The following MRPL27 variants were observed in gnomAD, a reference collection of about 807,000 sequenced individuals.
The protein encoded by MRPL27 is large ribosomal subunit protein bL27m.
MRPL27 carries 4 observed loss-of-function variants against 14.6 expected under a neutral mutation model. That is an observed-to-expected ratio of 0.27 (90% confidence interval 0.14 to 0.63). The LOEUF is 0.63. Ranked by LOEUF, MRPL27 falls within the 20% of genes least tolerant of loss-of-function variation. MRPL27 has a pLI of 0.85. For synonymous variants in MRPL27, 82 were observed against 75.5 expected (o/e 1.09, Z -0.45); for missense variants, 196 against 192.8 (o/e 1.02, Z -0.10).
intron 1 of MRPL27, among the ~76,000 whole-genome samples, chr17:50,372,110 C>T (rs1326870238): frequency 6.6e-6 from 1 of 152,202 alleles, no homozygotes; most frequent in Non-Finnish European, 1.5e-5. Context: ...TTACGACTTT[C>T]CATTTGATTT....
intron 3 of MRPL27, chr17:50,369,156 T>C (rs1913051507): frequency 1.0e-5 from 4 of 389,124 alleles, no homozygotes; most frequent in Non-Finnish European, 1.8e-5. Flanking sequence ...TTAACTATTT[T>C]ACAGGGTCAT....
intron 1 of MRPL27, 139 bp downstream of exon 1, chr17:50,372,992 C>T (rs984431321): frequency 6.6e-6 from 8 of 1,211,206 alleles, no homozygotes; most frequent in Admixed American, 2.1e-5. Flanking sequence ...CGACACCGTC[C>T]CTCAAACCTG....
intron 3 of MRPL27, chr17:50,369,550 T>G (rs1913063644): frequency 4.8e-6 from 1 of 207,486 alleles, no homozygotes; most frequent in Admixed American, 6.4e-5. Context: ...ACCTAACTCC[T>G]GGCACACTGA....
At chr17:50,370,289 C>T in intron 2 of MRPL27, 166 bp downstream of exon 2, 1 of 1,228,804 alleles carries the variant, frequency 8.1e-7, no homozygotes, top group South Asian at 1.4e-5. Context: ...TGGCTCACAC[C>T]CACCCACTCG....
At chr17:50,373,040 C>G in intron 1 of MRPL27, 91 bp downstream of exon 1, 2 of 1,565,338 alleles carry the variant, frequency 1.3e-6, no homozygotes, top group Non-Finnish European at 1.7e-6. Flanking sequence ...CCAAGGTCCT[C>G]CGCGGGGATC....
intron 1 of MRPL27, chr17:50,372,929 G>A: frequency 6.0e-6 from 4 of 665,172 alleles, no homozygotes; most frequent in Middle Eastern, 4.0e-4. Flanking sequence ...AAAGACAAGT[G>A]CTCTTCAAAC....
At chr17:50,370,677 G>A in intron 1 of MRPL27, 91 bp from the exon 2 acceptor site, 1 of 1,564,850 alleles carries the variant, frequency 6.4e-7, no homozygotes, top group Non-Finnish European at 8.7e-7. Context: ...GAGGCGGTGG[G>A]GAGATGAGAA....
intron 3 of MRPL27, chr17:50,369,005 CT>C: frequency 3.2e-6 from 2 of 625,210 alleles, no homozygotes; most frequent in Admixed American, 2.7e-5. Flanking sequence ...CAGCATTATT[CT>C]CTGTCTCTCT....
chr17:50,373,071 C>A, intron 1 of MRPL27, 60 bp downstream of exon 1: 2 of 1,610,212 alleles, frequency 1.2e-6, no homozygotes, highest in Non-Finnish European at 1.7e-6. Flanking sequence ...CCTTCCCTCC[C>A]TGCTGGAGCT....
At chr17:50,369,617 A>C (rs1913065764) in intron 3 of MRPL27, 1 of 211,096 alleles carries the variant, frequency 4.7e-6, no homozygotes, top group Non-Finnish European at 9.4e-6. Flanking sequence ...AGTTTATACA[A>C]AGGAAGAAGT....
Position 50,368,010 on chromosome 17 carries a change from C to T in MRPL27, c.*82G>A, listed in dbSNP as rs192562309. 46 of 1,482,286 alleles carry T rather than the reference C, an allele frequency of 3.1e-5. No homozygotes were observed. The highest frequency in any genetic ancestry group is 1.2e-4 in the Admixed American group (7 of 56,274). The allele number at this position is 1,482,286 out of a possible 1,614,324, so 91.8% of individuals were successfully genotyped here. On this transcript the variant is annotated 3_prime_UTR_variant, in exon 4 of 4. Coordinates refer to ENST00000225969, the MANE Select transcript of MRPL27 (RefSeq NM_016504.3). ...AGACCTCTTCCTCGGGAGGCCGTGTCGCCACCCCAACCCTTGACTTCTGGT... is the reference window on the plus strand; with the variant it reads ...AGACCTCTTCCTCGGGAGGCCGTGTTGCCACCCCAACCCTTGACTTCTGGT...
At chr17:50,372,115 T>C (rs1226605734) in intron 1 of MRPL27, among the ~76,000 whole-genome samples, 1 of 152,230 alleles carries the variant, frequency 6.6e-6, no homozygotes, top group Non-Finnish European at 1.5e-5. Flanking sequence ...ACTTTCCATT[T>C]GATTTCCTCA....
chr17:50,369,721 G>C (rs1467249480), intron 3 of MRPL27: 1 of 414,174 alleles, frequency 2.4e-6, no homozygotes, highest in Non-Finnish European at 4.3e-6. Context: ...CAAGAACTGA[G>C]GGTTAGAAAG....
Position 50,370,538 on chromosome 17 carries a change from T to C in MRPL27, c.89A>G (p.Tyr30Cys). 3.7e-6 allele frequency: 6 copies of C among 1,614,202 alleles called. No homozygotes were observed. Among genetic ancestry groups the C allele is most frequent in the Non-Finnish European group, 5.1e-6 (6 of 1,180,028 alleles). ...PTPATALAVR[Y>C]ASKKSGGSSK... ...GCTACCACCCGACTTCTTGGATGCG[T>C]ATCTGACAGCAAGAGCTGTAGCCGG... The change falls in exon 2 of 4, where the codon TAC becomes TGC. Residue 30 changes from tyrosine to cysteine, a missense_variant. By Grantham distance (194) the Tyr-to-Cys change is radical. Transcript: ENST00000225969.
Position 50,370,040 on chromosome 17 carries a change from C to T in MRPL27, c.232G>A (p.Gly78Ser), listed in dbSNP as rs771887569. 3.7e-6 allele frequency: 6 copies of T among 1,613,912 alleles called. No individual in the cohort carries two copies. The highest frequency in any genetic ancestry group is 3.3e-5 in the Admixed American group (2 of 59,958). The change falls in exon 3 of 4, where the codon GGT (glycine) becomes AGT (serine). Residue 78 changes from glycine to serine, a missense_variant. Physicochemically the swap from Gly to Ser is moderately conservative, Grantham distance 56. Coordinates refer to ENST00000225969, the MANE Select transcript of MRPL27 (RefSeq NM_016504.3). ...GCAACGGAGCAACTCACATGGGCAC[C>T]TGGGTGCCAGCGGAAATGGCGCTGT... is the stretch of plus-strand genomic sequence containing the variant. Reference protein sequence around the residue: ...ATQRHFRWHPGAHVGVGKNKC... With the variant: ...ATQRHFRWHPSAHVGVGKNKC...
intron 1 of MRPL27, chr17:50,372,766 C>T (rs1913211546): frequency 3.5e-6 from 1 of 288,630 alleles, no homozygotes; most frequent in Non-Finnish European, 6.6e-6. Context: ...ACACCTACCG[C>T]CGTGTCTAGC....
At chr17:50,372,014 C>T (rs1326024243) in intron 1 of MRPL27, among the ~76,000 whole-genome samples, 4 of 152,180 alleles carry the variant, frequency 2.6e-5, no homozygotes, top group African/African-American at 9.6e-5. Flanking sequence ...GATGCTAACT[C>T]CAAAACAGAT....
Position 50,370,561 on chromosome 17 carries a change from C to A in MRPL27, c.66G>T (p.Pro22=), listed in dbSNP as rs141112355. Residue 22 remains proline, a synonymous_variant, in exon 2 of 4, where the codon CCG becomes CCT. Transcript: ENST00000225969. ...TAVTSLLSPT[P]ATALAVRYAS... ...CGTATCTGACAGCAAGAGCTGTAGC[C>A]GGAGTGGGGCTTAGCAAGGATGTAA... is the stretch of plus-strand genomic sequence containing the variant. 58 of 1,613,972 alleles carry A rather than the reference C, an allele frequency of 3.6e-5. 3 individuals carry two copies. Among genetic ancestry groups the A allele is most frequent in the South Asian group, 8.8e-5 (8 of 91,068 alleles).
intron 1 of MRPL27, chr17:50,371,284 A>ACT (rs911926693): frequency 1.5e-4 from 23 of 152,188 alleles, no homozygotes; most frequent in Admixed American, 6.5e-4. Context: ...TCAGCTGTCC[A>ACT]CTCATCCACT....
Sources: gnomAD v4.1 joint callset for allele counts (sites outside exome capture counted in the v4.1 genomes callset) on GRCh38, gnomAD v4.1.1 for gene constraint, MANE v1.5 for transcripts, NCBI Gene and HGNC (gene_info 2026-07-23, HGNC 2026-07-21) for gene names.